Variants in GRIK2 observed in about 807,000 individuals in gnomAD.
The protein encoded by GRIK2 is glutamate ionotropic receptor kainate type subunit 2.
GRIK2 carries 32 observed loss-of-function variants against 100.3 expected under a neutral mutation model. That is an observed-to-expected ratio of 0.32 (90% confidence interval 0.24 to 0.43). The LOEUF (loss-of-function observed/expected upper bound fraction) is 0.43. Ranked by LOEUF, GRIK2 falls within the 20% of genes least tolerant of loss-of-function variation. The pLI is 1.00. For synonymous variants in GRIK2, 417 were observed against 389.4 expected, an observed-to-expected ratio of 1.07 and a Z score of -0.83; for missense variants, 843 against 1,114.9, an observed-to-expected ratio of 0.76 and a Z score of 3.47.
At chr6:101,968,302 A>C (rs575617849) in intron 14 of GRIK2, among the ~76,000 whole-genome samples, 1 of 152,154 alleles carries the variant, frequency 6.6e-6, no homozygotes, top group South Asian at 2.1e-4. Context: ...GCTTTTTAAA[A>C]CCCTTTATAT....
intron 2 of GRIK2, among the ~76,000 whole-genome samples, chr6:101,414,017 C>G (rs879152646): frequency 6.6e-6 from 1 of 150,718 alleles, no homozygotes; most frequent in South Asian, 2.1e-4. Flanking sequence ...AATAGGACAC[C>G]AATAATTTGA....
At chr6:101,739,680 C>T (rs1384948669) in intron 7 of GRIK2, among the ~76,000 whole-genome samples, 2 of 151,948 alleles carry the variant, frequency 1.3e-5, no homozygotes, top group Non-Finnish European at 2.9e-5. Context: ...ATTTATATTT[C>T]TCAGATATTC....
chr6:101,715,486 A>G (rs1217684339), intron 7 of GRIK2, among the ~76,000 whole-genome samples: 1 of 151,544 alleles, frequency 6.6e-6, no homozygotes, highest in Non-Finnish European at 1.5e-5. Flanking sequence ...ATCCAAAGTC[A>G]TGGGGACACA....
chr6:102,048,412 C>T (rs372277470), intron 15 of GRIK2, among the ~76,000 whole-genome samples: 28 of 151,814 alleles, frequency 1.8e-4, no homozygotes, highest in African/African-American at 5.8e-4. Context: ...AATAATAGTG[C>T]GAAGGGACAA....
chr6:102,052,216 C>A (rs1177373514), intron 15 of GRIK2, among the ~76,000 whole-genome samples: 1 of 152,086 alleles, frequency 6.6e-6, no homozygotes, highest in Non-Finnish European at 1.5e-5. Flanking sequence ...AGTAATAATT[C>A]ATTTTTAATT....
intron 7 of GRIK2, among the ~76,000 whole-genome samples, chr6:101,746,868 G>A (rs952400755): frequency 2.0e-5 from 3 of 152,012 alleles, no homozygotes; most frequent in African/African-American, 7.3e-5. Flanking sequence ...TATAGTTATG[G>A]GAGGACAAAG....
At chr6:101,726,357 G>A (rs1165416966) in intron 7 of GRIK2, among the ~76,000 whole-genome samples, 2 of 151,962 alleles carry the variant, frequency 1.3e-5, no homozygotes, top group Non-Finnish European at 2.9e-5. Context: ...GTACTAAAAT[G>A]AATTGATAAT....
At chr6:102,002,434 T>C (rs577614494) in intron 14 of GRIK2, among the ~76,000 whole-genome samples, 1 of 148,834 alleles carries the variant, frequency 6.7e-6, no homozygotes, top group East Asian at 2.0e-4. Flanking sequence ...ACACAGTATA[T>C]ACACATATAT....
chr6:101,988,090 A>AGTGTGTGT (rs57491735), intron 14 of GRIK2, among the ~76,000 whole-genome samples: 155 of 141,472 alleles, frequency 1.1e-3, no homozygotes, highest in South Asian at 1.4e-3. Flanking sequence ...CCAGTATTAT[A>AGTGTGTGT]GTGTGTGTGT....
At chr6:101,920,683 G>C (rs556705466) in intron 12 of GRIK2, among the ~76,000 whole-genome samples, 2 of 151,560 alleles carry the variant, frequency 1.3e-5, no homozygotes, top group Non-Finnish European at 3.0e-5. Context: ...GGGAATTACA[G>C]GGTAAATGAC....
At chr6:101,500,558 G>T (rs918050869) in intron 2 of GRIK2, among the ~76,000 whole-genome samples, 16 of 151,794 alleles carry the variant, frequency 1.1e-4, no homozygotes, top group Non-Finnish European at 8.8e-5. Context: ...CAAAGTTTTC[G>T]GTCTCTAATT....
At chr6:101,480,931 G>A (rs1772496139) in intron 2 of GRIK2, among the ~76,000 whole-genome samples, 1 of 152,150 alleles carries the variant, frequency 6.6e-6, no homozygotes, top group African/African-American at 2.4e-5. Flanking sequence ...AACCATGTAA[G>A]TAAGCAAAAT....
intron 16 of GRIK2, among the ~76,000 whole-genome samples, chr6:102,056,393 A>C (rs974523718): frequency 1.7e-4 from 26 of 151,994 alleles, no homozygotes; most frequent in African/African-American, 6.3e-4. Flanking sequence ...CAGATGCTAC[A>C]TGATACTTTT....
chr6:101,681,397 C>G (rs887928062), intron 5 of GRIK2, among the ~76,000 whole-genome samples: 2 of 127,230 alleles, frequency 1.6e-5, no homozygotes, highest in African/African-American at 6.0e-5. Context: ...GGCTATTTTT[C>G]TTTTCTATTT....
chr6:102,002,982 G>A (rs559693832), intron 14 of GRIK2, among the ~76,000 whole-genome samples: 2 of 151,290 alleles, frequency 1.3e-5, no homozygotes, highest in African/African-American at 4.8e-5. Flanking sequence ...GGCTTGAATA[G>A]GATTCTTTGA....
intron 7 of GRIK2, among the ~76,000 whole-genome samples, chr6:101,761,790 T>A (rs1338965374): frequency 2.0e-5 from 1 of 50,982 alleles, no homozygotes; most frequent in Non-Finnish European, 3.6e-5. Context: ...CCTCCCTCCC[T>A]CCCTTCCTTT....
At chr6:101,848,350 TATA>T (rs1783926705) in intron 10 of GRIK2, among the ~76,000 whole-genome samples, 1 of 152,156 alleles carries the variant, frequency 6.6e-6, no homozygotes, top group South Asian at 2.1e-4. Context: ...GCTTTCACAC[TATA>T]ATGACAGAAT....
chr6:101,559,862 A>G (rs1776919166), intron 2 of GRIK2, among the ~76,000 whole-genome samples: 2 of 152,156 alleles, frequency 1.3e-5, no homozygotes, highest in South Asian at 2.1e-4. Flanking sequence ...TGCAGTAGAT[A>G]GATAAATACA....
intron 2 of GRIK2, among the ~76,000 whole-genome samples, chr6:101,509,880 TCTCTTC>T (rs1774212770): frequency 6.6e-6 from 1 of 152,184 alleles, no homozygotes; most frequent in Non-Finnish European, 1.5e-5. Context: ...CACATTTCAG[TCTCTTC>T]CTCTCATCTA....
Sources: gnomAD v4.1 joint callset for allele counts (sites outside exome capture counted in the v4.1 genomes callset) on GRCh38, gnomAD v4.1.1 for gene constraint, MANE v1.5 for transcripts, NCBI Gene and HGNC (gene_info 2026-07-23, HGNC 2026-07-21) for gene names.